The following PLAG1 variants were observed in gnomAD, a reference collection of about 807,000 sequenced individuals.
PLAG1 encodes the protein PLAG1 zinc finger.
PLAG1 carries 7 observed loss-of-function variants against 35.5 expected under a neutral mutation model. That is an observed-to-expected ratio of 0.20 (90% CI 0.11 to 0.37). The LOEUF is 0.37. Ranked by LOEUF, PLAG1 falls within the 10% of genes least tolerant of loss-of-function variation. The pLI, the probability that PLAG1 is intolerant of heterozygous loss-of-function variation, is 1.00. For synonymous variants in PLAG1, 229 were observed against 225.4 expected (o/e 1.02, Z -0.14); for missense variants, 454 against 602.8 (o/e 0.75, Z 2.58).
chr8:56,207,608 A>C (rs1260986496), intron 1 of PLAG1, among the ~76,000 whole-genome samples: 83 of 152,092 alleles, frequency 5.5e-4, no homozygotes, highest in Non-Finnish European at 1.5e-5. Context: ...TAGAATTTCA[A>C]GTAGCAAAAG....
At position 56,166,260 on chromosome 8, in the gene PLAG1, G is replaced by A; in HGVS notation, c.1486C>T (p.His496Tyr). 3 of 1,590,746 alleles carry A rather than the reference G, an allele frequency of 1.9e-6. No individual in the cohort carries two copies. Among genetic ancestry groups the A allele is most frequent in the Middle Eastern group, 1.7e-4 (1 of 5,916 alleles). ...LSTSTTLPRF[H>Y]QAFQ ...CCAGAATCCTACTGAAAAGCTTGAT[G>A]GAAACGTGGGAGGGTGGTACTTGTG... Residue 496 changes from histidine (H) to tyrosine (Y), a missense_variant, in exon 5 of 5, where the codon CAT becomes TAT. Around this residue, in one of 4 missense-constraint regions of PLAG1, gnomAD observed 271 missense variants for 315.6 expected, o/e 0.86. Transcript: ENST00000316981.
intron 1 of PLAG1, among the ~76,000 whole-genome samples, chr8:56,196,945 A>AGTGT (rs1366304305): frequency 0.019 from 1,588 of 84,134 alleles, 34 homozygotes; most frequent in African/African-American, 0.055. Context: ...CTCCCTCCCT[A>AGTGT]GTGTGCGTGT....
rs532737915 is a variant in PLAG1, at chr8:56,210,847, C to A, written c.-322+274G>T. Among the ~76,000 whole-genome samples, 8 of 151,366 alleles carry A rather than the reference C, an allele frequency of 5.3e-5. 1 individual carries two copies. The East Asian group carries it at 1.2e-3, about 22-fold the overall frequency. ...ATAAAGGTTTTTTTTTTTTTCCCAC[C>A]GACCTCACCTTCGGGTCCCCAGCCG... On this transcript the variant is annotated intron_variant, in intron 1 of 4. Transcript: ENST00000316981.
At chr8:56,170,521 G>A (rs554832465) in intron 3 of PLAG1, among the ~76,000 whole-genome samples, 2 of 152,236 alleles carry the variant, frequency 1.3e-5, no homozygotes, top group African/African-American at 4.8e-5. Context: ...ATACTTTTAT[G>A]CACCTATTTA....
rs1811510348 is a variant in PLAG1, at chr8:56,171,092, T to A, written c.-119A>T. Reference sequence around the variant, plus strand: ...AGTGATTTTTAGTTCAATGCATACCTGATTACTGATGGAAAAAGCCTCAGA... The same window carrying A: ...AGTGATTTTTAGTTCAATGCATACCAGATTACTGATGGAAAAAGCCTCAGA... On this transcript the variant is annotated splice_region_variant and 5_prime_UTR_variant, in exon 3 of 5. Transcript: ENST00000316981. 2.2e-6 allele frequency: 2 copies of A among 906,262 alleles called. No individual in the cohort carries two copies. Among genetic ancestry groups the A allele is most frequent in the Non-Finnish European group, 2.6e-6 (2 of 757,524 alleles). The allele number at this position is 906,262 out of a possible 1,614,324, so 56.1% of individuals were successfully genotyped here.
intron 1 of PLAG1, among the ~76,000 whole-genome samples, chr8:56,182,493 G>C (rs536112092): frequency 6.7e-6 from 1 of 148,974 alleles, no homozygotes; most frequent in East Asian, 2.0e-4. Flanking sequence ...AAATGTGGCG[G>C]AAACCACAAA....
Position 56,166,882 on chromosome 8 carries a change from T to C in PLAG1, c.864A>G (p.Leu288=). The change falls in exon 5 of 5, where the codon TTA becomes TTG. Residue 288 remains leucine (L), a synonymous_variant. Coordinates refer to ENST00000316981, the MANE Select transcript of PLAG1 (RefSeq NM_002655.3). ...ACTGAAATGGAGTGTTGTAGAGGTT[T>C]AACTGCAAAGTGTTTGTGAATGGCT... ...LSKPFTNTLQ[L]NLYNTPFQSM... is the part of the protein sequence containing the mutation. The C allele has an allele frequency of 5.0e-6, 8 of 1,614,166 alleles. No individual in the cohort carries two copies. The highest frequency in any genetic ancestry group is 6.8e-6 in the Non-Finnish European group (8 of 1,180,000).
chr8:56,173,885 T>TA (rs1419546417), intron 2 of PLAG1, among the ~76,000 whole-genome samples: 3 of 152,244 alleles, frequency 2.0e-5, no homozygotes, highest in South Asian at 4.1e-4. Flanking sequence ...GTGACTCATA[T>TA]AAAAAACTAA....
chr8:56,203,182 T>A (rs555721954), intron 1 of PLAG1, among the ~76,000 whole-genome samples: 31 of 152,250 alleles, frequency 2.0e-4, no homozygotes, highest in Non-Finnish European at 4.1e-4. Flanking sequence ...TCTACAGAAT[T>A]TTATATGTGT....
Position 56,167,391 on chromosome 8 carries a change from C to T in PLAG1, c.355G>A (p.Glu119Lys). The T allele has an allele frequency of 1.2e-6, 2 of 1,613,958 alleles. No individual in the cohort carries two copies. The highest frequency in any genetic ancestry group is 2.2e-5 in the South Asian group (2 of 91,072). ...CCACATTCTTCGCACTTAAACGTCT[C>T]TTTGTTAGGGTCGTGTGTATGGAGG... ...NHLHTHDPNKETFKCEECGKN... is the reference protein window; with the variant it reads ...NHLHTHDPNKKTFKCEECGKN... The change falls in exon 5 of 5, where the codon GAG (glutamate) becomes AAG (lysine). Residue 119 changes from glutamate (E) to lysine (K), a missense_variant. Glu to Lys is a moderately conservative substitution (Grantham distance 56). Coordinates refer to ENST00000316981, the MANE Select transcript of PLAG1 (RefSeq NM_002655.3). This position sits in a 1 kb window ranked among gnomAD's most constrained non-coding sequence, Gnocchi z 5.9.
intron 1 of PLAG1, among the ~76,000 whole-genome samples, chr8:56,198,692 C>T (rs1812456903): frequency 1.3e-5 from 2 of 152,210 alleles, no homozygotes; most frequent in South Asian, 4.1e-4. Flanking sequence ...CACCCCTTCT[C>T]ATCATTCAGG....
At chr8:56,203,838 G>A (rs1042207170) in intron 1 of PLAG1, among the ~76,000 whole-genome samples, 4 of 151,974 alleles carry the variant, frequency 2.6e-5, no homozygotes, top group Non-Finnish European at 5.9e-5. Context: ...AATCTAGATT[G>A]AAATTTATAC....
chr8:56,167,469 T>C lies in PLAG1; in HGVS notation c.277A>G (p.Lys93Glu), dbSNP rs1470605142. 2 of 1,611,874 alleles carry C rather than the reference T, an allele frequency of 1.2e-6. No individual in the cohort carries two copies. Among genetic ancestry groups the C allele is most frequent in the African/African-American group, 2.7e-5 (2 of 74,892 alleles). ...MATHSPEKTH[K>E]CNYCEKMFHR... ...AACATTTTCTCACAATAATTACACT[T>C]GTGGGTTTTCTCAGGAGAATGAGTA... Residue 93 changes from lysine to glutamate, a missense_variant, in exon 5 of 5, where the codon AAG becomes GAG. Lys to Glu is a moderately conservative substitution (Grantham distance 56). Coordinates refer to ENST00000316981, the MANE Select transcript of PLAG1 (RefSeq NM_002655.3). This position sits in a 1 kb window ranked among gnomAD's most constrained non-coding sequence, Gnocchi z 5.9.
chr8:56,210,526 C>T (rs1812852124), intron 1 of PLAG1, among the ~76,000 whole-genome samples: 1 of 151,146 alleles, frequency 6.6e-6, no homozygotes, highest in African/African-American at 2.4e-5. Context: ...AAAAGAAAAA[C>T]CTCTTTTGAA....
At chr8:56,189,417 G>A (rs1812116765) in intron 1 of PLAG1, among the ~76,000 whole-genome samples, 4 of 152,112 alleles carry the variant, frequency 2.6e-5, no homozygotes, top group Admixed American at 6.5e-5. Context: ...CAACAGACCA[G>A]TATAGACCCC....
intron 3 of PLAG1, among the ~76,000 whole-genome samples, chr8:56,170,682 A>C (rs937670910): frequency 3.3e-5 from 5 of 152,240 alleles, no homozygotes; most frequent in African/African-American, 1.2e-4. Context: ...CATAATGGGC[A>C]AAGAATTCCA....
chr8:56,174,174 T>C (rs1028271189), intron 2 of PLAG1, among the ~76,000 whole-genome samples: 1 of 152,208 alleles, frequency 6.6e-6, no homozygotes, highest in Non-Finnish European at 1.5e-5. Context: ...ATTCAGAAGA[T>C]GTCAAAAAAT....
intron 1 of PLAG1, among the ~76,000 whole-genome samples, chr8:56,210,842 C>T (rs1381054373): frequency 3.4e-5 from 5 of 147,620 alleles, no homozygotes; most frequent in African/African-American, 1.0e-4. Flanking sequence ...TTTTTTTTTT[C>T]CCACCGACCT....
At position 56,169,666 on chromosome 8, in the gene PLAG1, C is replaced by A. The variant is rs185220326; in HGVS notation, c.-117-1280G>T. Among the ~76,000 whole-genome samples the A allele has an allele frequency of 7.9e-4, 121 of 152,224 alleles. 1 individual carries two copies. Among genetic ancestry groups the A allele is most frequent in the Admixed American group, 6.5e-4 (10 of 15,300 alleles). On this transcript the variant is annotated intron_variant, in intron 3 of 4. Coordinates refer to ENST00000316981, the MANE Select transcript of PLAG1 (RefSeq NM_002655.3). ...GCTATCTTCAAGTGCCTCAGCCTCCCGAGTAGCTGGGACTGCAGGTACATG... is the reference window on the plus strand; with the variant it reads ...GCTATCTTCAAGTGCCTCAGCCTCCAGAGTAGCTGGGACTGCAGGTACATG...
Sources: gnomAD v4.1 joint callset for allele counts (sites outside exome capture counted in the v4.1 genomes callset) on GRCh38, gnomAD v4.1.1 for gene constraint, gnomAD v4.1.1 regional missense constraint, Gnocchi (gnomAD v3.1) non-coding constraint, MANE v1.5 for transcripts, NCBI Gene and HGNC (gene_info 2026-07-23, HGNC 2026-07-21) for gene names.